TTC22: variants seen among roughly 807,000 people sequenced by gnomAD.
The protein encoded by TTC22 is tetratricopeptide repeat domain 22.
In TTC22, 42 loss-of-function variants were observed where a neutral mutation model predicts 48.2. That is an observed-to-expected ratio of 0.87 (90% CI 0.68 to 1.13). The LOEUF is 1.13. TTC22 is among the 50% of genes most tolerant of loss of function. TTC22 has a pLI of 0.00. For missense variants in TTC22, 784 were observed against 807.0 expected (o/e 0.97, Z 0.34); for synonymous variants, 345 against 365.5 (o/e 0.94, Z 0.64).
chr1:54,795,887 T>C (rs528565642), intron 1 of TTC22, among the ~76,000 whole-genome samples: 2 of 152,322 alleles, frequency 1.3e-5, no homozygotes, highest in Non-Finnish European at 2.9e-5. Context: ...AGCCAGACCC[T>C]TAGGAAAGCT....
At chr1:54,785,698 A>G (rs1049663516) in intron 5 of TTC22, 3 of 422,190 alleles carry the variant, frequency 7.1e-6, no homozygotes, top group African/African-American at 6.1e-5. Flanking sequence ...CTGTAGTCCC[A>G]GCTATTTGGG....
At chr1:54,797,597 G>A (rs185891801) in intron 1 of TTC22, among the ~76,000 whole-genome samples, 22 of 152,208 alleles carry the variant, frequency 1.4e-4, no homozygotes, top group East Asian at 1.2e-3. Flanking sequence ...GCAGTGAGCC[G>A]AGATCGTGCC....
At position 54,800,600 on chromosome 1, in the gene TTC22, C is replaced by T; in HGVS notation, c.564G>A (p.Gln188=). 2.0e-6 allele frequency: 3 copies of T among 1,517,232 alleles called. No homozygotes were observed. Among genetic ancestry groups the T allele is most frequent in the Non-Finnish European group, 2.6e-6 (3 of 1,145,038 alleles). The allele number at this position is 1,517,232 out of a possible 1,614,324, so 94.0% of individuals were successfully genotyped here. Reference sequence around the variant, plus strand: ...TAGGGAGACAGGGGTCACCTACCTGCTGCCCGTAGCCTAGCGCCTTGTCGT... The same window carrying T: ...TAGGGAGACAGGGGTCACCTACCTGTTGCCCGTAGCCTAGCGCCTTGTCGT... The part of the protein sequence containing the change: ...ALYDKALGYG[Q]QIPMEEKRGW... The change falls in exon 1 of 7, where the codon CAG becomes CAA. Residue 188 remains glutamine (Q), a synonymous_variant. Transcript: ENST00000371276.
At chr1:54,789,447 T>C (rs1646333098) in intron 1 of TTC22, among the ~76,000 whole-genome samples, 1 of 152,192 alleles carries the variant, frequency 6.6e-6, no homozygotes, top group Non-Finnish European at 1.5e-5. Flanking sequence ...GGGGAGCCAA[T>C]GCTAGCAGGT....
At position 54,781,755 on chromosome 1, in the gene TTC22, C is replaced by G. The variant is rs1279916470; in HGVS notation, c.1198G>C (p.Ala400Pro). The change falls in exon 7 of 7, where the codon GCG becomes CCG. Residue 400 changes from alanine (A) to proline (P), a missense_variant. Physicochemically the swap from Ala to Pro is conservative, Grantham distance 27. Transcript: ENST00000371276. The stretch of plus-strand genomic sequence containing the variant: ...TCCACCGCCAGCAGCTCCTGCACCG[C>G]GTCCACGCCCATATAGTAGTAGACC... ...GQVYYYMGVD[A>P]VQELLAVDEA... The G allele has an allele frequency of 6.7e-7, 1 of 1,488,682 alleles. No individual in the cohort carries two copies. Among genetic ancestry groups the G allele is most frequent in the Admixed American group, 2.2e-5 (1 of 45,104 alleles). The allele number at this position is 1,488,682 out of a possible 1,614,324, so 92.2% of individuals were successfully genotyped here. A position where few individuals can be genotyped will look rare whatever the true frequency, so the allele number is the denominator to read the frequency against.
intron 1 of TTC22, among the ~76,000 whole-genome samples, chr1:54,791,607 C>G (rs1189626216): frequency 6.6e-6 from 1 of 152,076 alleles, no homozygotes; most frequent in Non-Finnish European, 1.5e-5. Context: ...GTCTTTGGCC[C>G]TGGAATCTGG....
chr1:54,785,833 A>G, intron 5 of TTC22, 150 bp downstream of exon 5: 1 of 719,266 alleles, frequency 1.4e-6, no homozygotes, highest in Admixed American at 3.0e-5. Context: ...AAAACTTTAT[A>G]GAACCCAACT....
At chr1:54,795,128 C>G (rs2101468284) in intron 1 of TTC22, among the ~76,000 whole-genome samples, 1 of 152,314 alleles carries the variant, frequency 6.6e-6, no homozygotes, top group East Asian at 1.9e-4. Context: ...GGGGAGGAAA[C>G]AGAAGATGAG....
At position 54,787,032 on chromosome 1, in the gene TTC22, G is replaced by T. The variant is rs576155876; in HGVS notation, c.783C>A (p.Asp261Glu). 1 of 1,555,136 alleles carries T rather than the reference G, an allele frequency of 6.4e-7. No homozygotes were observed. The highest frequency in any genetic ancestry group is 2.4e-5 in the East Asian group (1 of 41,702). Residue 261 changes from aspartate (D) to glutamate (E), a missense_variant, in exon 4 of 7, where the codon GAC (aspartate) becomes GAA (glutamate). Asp to Glu is a conservative substitution (Grantham distance 45, BLOSUM62 2). Transcript: ENST00000371276. ...CYLGMLLERK[D>E]TFSTTPMGVH... ...CGCCCATGGGGGTGGTGGAGAAGGTGTCCTTCCGCTCCAGCAGCATCCCGA... is the reference window on the plus strand; with the variant it reads ...CGCCCATGGGGGTGGTGGAGAAGGTTTCCTTCCGCTCCAGCAGCATCCCGA...
intron 1 of TTC22, among the ~76,000 whole-genome samples, chr1:54,791,151 C>T (rs1020110251): frequency 2.0e-5 from 3 of 152,228 alleles, no homozygotes; most frequent in African/African-American, 4.8e-5. Context: ...TGAGCCACCG[C>T]GTCCGGCCCC....
At chr1:54,790,113 G>C (rs992915708) in intron 1 of TTC22, among the ~76,000 whole-genome samples, 19 of 152,204 alleles carry the variant, frequency 1.2e-4, no homozygotes, top group African/African-American at 4.6e-4. Flanking sequence ...AGTAGCTTAT[G>C]CCTGTACTCC....
intron 5 of TTC22, 115 bp downstream of exon 5, chr1:54,785,868 C>T: frequency 1.0e-6 from 1 of 986,482 alleles, no homozygotes; most frequent in Non-Finnish European, 1.5e-6. Context: ...CTCCTAAGCT[C>T]CCTTCCACCA....
intron 1 of TTC22, 109 bp from the exon 2 acceptor site, chr1:54,788,206 G>A: frequency 9.1e-7 from 1 of 1,098,846 alleles, no homozygotes; most frequent in Non-Finnish European, 1.4e-6. Flanking sequence ...CAAGTGGGAA[G>A]GGCTTTGACC....
At chr1:54,787,187 T>C (rs1646310907) in intron 3 of TTC22, 112 bp from the exon 4 acceptor site, 1 of 574,348 alleles carries the variant, frequency 1.7e-6, no homozygotes, top group Non-Finnish European at 3.0e-6. Context: ...GATAGTAGAG[T>C]GGGATCACTG....
At position 54,793,515 on chromosome 1, in the gene TTC22, A is replaced by G. The variant is rs550747357; in HGVS notation, c.568-5418T>C. On this transcript the variant is annotated intron_variant, in intron 1 of 6. Transcript: ENST00000371276. ...AGCTAGTGTTTGTACAGTGTTTACCATTTACAAAGGGCTTTCACACAGATT... is the reference window on the plus strand; with the variant it reads ...AGCTAGTGTTTGTACAGTGTTTACCGTTTACAAAGGGCTTTCACACAGATT... Among the ~76,000 whole-genome samples the G allele has an allele frequency of 1.1e-3, 166 of 152,244 alleles. 2 individuals are homozygous for G. Among genetic ancestry groups the G allele is most frequent in the Non-Finnish European group, 6.3e-4 (43 of 68,018 alleles).
At chr1:54,788,213 G>T in intron 1 of TTC22, 116 bp from the exon 2 acceptor site, 1 of 978,040 alleles carries the variant, frequency 1.0e-6, no homozygotes, top group South Asian at 1.4e-5. Flanking sequence ...GAAGGGCTTT[G>T]ACCTTAAACA....
Position 54,800,616 on chromosome 1 carries a change from G to A in TTC22, c.548C>T (p.Ala183Val), listed in dbSNP as rs1424890386. ...ACCTACCTGCTGCCCGTAGCCTAGC[G>A]CCTTGTCGTAGAGCGCGATGCCTGC... ...LAAGIALYDK[A>V]LGYGQQIPME... is the part of the protein sequence containing the mutation. The change falls in exon 1 of 7, where the codon GCG becomes GTG. Residue 183 changes from alanine to valine, a missense_variant. Ala to Val is a moderately conservative substitution (Grantham distance 64). Coordinates refer to ENST00000371276, the MANE Select transcript of TTC22 (RefSeq NM_001114108.2). The A allele has an allele frequency of 1.3e-6, 2 of 1,541,966 alleles. No individual in the cohort carries two copies. The highest frequency in any genetic ancestry group is 2.0e-5 in the Admixed American group (1 of 49,928).
chr1:54,784,856 G>T (rs1356446644), intron 5 of TTC22: 1 of 1,277,368 alleles, frequency 7.8e-7, no homozygotes, highest in African/African-American at 1.5e-5. Flanking sequence ...TAGGAGGCAG[G>T]TCTGGGACCA....
chr1:54,797,573 G>A (rs539356717), intron 1 of TTC22, among the ~76,000 whole-genome samples: 5 of 152,162 alleles, frequency 3.3e-5, no homozygotes, highest in Admixed American at 6.5e-5. Context: ...GCTTGAACCC[G>A]GGAGGCAGAG....
Sources: gnomAD v4.1 joint callset for allele counts (sites outside exome capture counted in the v4.1 genomes callset) on GRCh38, gnomAD v4.1.1 for gene constraint, MANE v1.5 for transcripts, NCBI Gene and HGNC (gene_info 2026-07-23, HGNC 2026-07-21) for gene names.